The following SRRM4 variants were observed in gnomAD, a reference collection of about 807,000 sequenced individuals.
SRRM4 encodes the protein serine/arginine repetitive matrix 4, also known as serine/arginine repetitive matrix protein 4.
Under a neutral mutation model 68.9 loss-of-function variants are expected in SRRM4, and 33 were observed. The observed-to-expected ratio is 0.48, with a 90% CI of 0.36 to 0.64. SRRM4 has a LOEUF of 0.64. Among genes scored for constraint, SRRM4 ranks in the 30% least tolerant of loss-of-function variants. The probability of loss-of-function intolerance (pLI) is 0.00; values close to 1 mark genes in which losing one functional copy is unlikely to be tolerated. For missense variants in SRRM4, 817 were observed against 827.1 expected (o/e 0.99, Z 0.15); for synonymous variants, 318 against 318.8 (o/e 1.00, Z 0.03).
chr12:119,080,113 AAC>A (rs1399108087), intron 1 of SRRM4, among the ~76,000 whole-genome samples: 3 of 152,072 alleles, frequency 2.0e-5, no homozygotes, highest in African/African-American at 7.2e-5. Context: ...CTTAACCCCT[AAC>A]CTTTGTTAGC....
intron 1 of SRRM4, among the ~76,000 whole-genome samples, chr12:119,027,474 A>T (rs1403929445): frequency 6.6e-6 from 1 of 152,210 alleles, no homozygotes; most frequent in Non-Finnish European, 1.5e-5. Context: ...GAATGCTAGT[A>T]ATCTTATCTT....
chr12:119,073,807 T>C (rs375973905), intron 1 of SRRM4, among the ~76,000 whole-genome samples: 19 of 152,226 alleles, frequency 1.2e-4, no homozygotes, highest in East Asian at 1.2e-3. Context: ...TTTTAATAGA[T>C]AAATAGACAT....
At chr12:119,041,360 A>G (rs946974089) in intron 1 of SRRM4, among the ~76,000 whole-genome samples, 3 of 152,202 alleles carry the variant, frequency 2.0e-5, no homozygotes, top group East Asian at 1.9e-4. Context: ...CATTTGTCCA[A>G]TGAGGATAAT....
intron 1 of SRRM4, among the ~76,000 whole-genome samples, chr12:119,062,468 C>A (rs1053869306): frequency 1.2e-4 from 19 of 152,066 alleles, no homozygotes; most frequent in Non-Finnish European, 2.1e-4. Flanking sequence ...TTTATTTAAG[C>A]TTTTCATTAT....
At chr12:119,039,259 G>A (rs1024300983) in intron 1 of SRRM4, among the ~76,000 whole-genome samples, 7 of 152,090 alleles carry the variant, frequency 4.6e-5, no homozygotes, top group East Asian at 1.9e-4. Flanking sequence ...CACACTGCGC[G>A]GCACACCAAG....
At chr12:119,115,092 A>C (rs1351759410) in intron 3 of SRRM4, among the ~76,000 whole-genome samples, 1 of 151,900 alleles carries the variant, frequency 6.6e-6, no homozygotes, top group Non-Finnish European at 1.5e-5. Flanking sequence ...GGAAAGCATT[A>C]TTATTCCCAT....
intron 5 of SRRM4, 94 bp downstream of exon 5, chr12:119,120,370 C>G: frequency 7.5e-7 from 1 of 1,338,916 alleles, no homozygotes; most frequent in Non-Finnish European, 1.0e-6. Context: ...TCCATCTGTG[C>G]TCTTAGGCAT....
chr12:119,114,326 G>A lies in SRRM4; in HGVS notation c.327G>A (p.Lys109=), dbSNP rs1428330676. ...DLTPPPSSRG[K]KKKKKSTRKK... Reference sequence around the variant, plus strand: ...CACCACCACCTTCCTCCAGGGGAAAGAAGAAAAAGAAGAAATCCACTCGGA... The same window carrying A: ...CACCACCACCTTCCTCCAGGGGAAAAAAGAAAAAGAAGAAATCCACTCGGA... The change falls in exon 3 of 13, where the codon AAG becomes AAA. Residue 109 remains lysine (K), a synonymous_variant. Transcript: ENST00000267260. 2 of 1,611,076 alleles carry A rather than the reference G, an allele frequency of 1.2e-6. No homozygotes were observed. Among genetic ancestry groups the A allele is most frequent in the East Asian group, 2.2e-5 (1 of 44,850 alleles).
chr12:119,122,351 G>A (rs1954227179), intron 6 of SRRM4, among the ~76,000 whole-genome samples: 1 of 147,304 alleles, frequency 6.8e-6, no homozygotes, highest in Non-Finnish European at 1.5e-5. Context: ...GAGAGGGAGG[G>A]ACAGAAAGGC....
chr12:119,138,029 G>A (rs982890133), intron 8 of SRRM4, among the ~76,000 whole-genome samples: 4 of 152,088 alleles, frequency 2.6e-5, no homozygotes, highest in Admixed American at 6.5e-5. Flanking sequence ...CCAACTTAGA[G>A]GTCTTGGTGG....
chr12:118,990,310 G>A (rs1953308487), intron 1 of SRRM4, among the ~76,000 whole-genome samples: 2 of 152,112 alleles, frequency 1.3e-5, no homozygotes, highest in Admixed American at 6.5e-5. Flanking sequence ...AGCAACCAGG[G>A]GAGTCTCTAG....
intron 1 of SRRM4, chr12:118,989,742 T>C (rs1953304280): frequency 1.3e-5 from 2 of 152,186 alleles, no homozygotes; most frequent in African/African-American, 4.8e-5. Flanking sequence ...AAACAAATAT[T>C]AAGATCCTCT....
At chr12:119,047,030 TAAAAA>T (rs11415940) in intron 1 of SRRM4, among the ~76,000 whole-genome samples, 1 of 122,220 alleles carries the variant, frequency 8.2e-6, no homozygotes, top group Non-Finnish European at 1.6e-5. Flanking sequence ...AGATCCCGTC[TAAAAA>T]AAAAAAAAAA....
chr12:119,078,765 A>T (rs1050306985), intron 1 of SRRM4, among the ~76,000 whole-genome samples: 2 of 152,070 alleles, frequency 1.3e-5, no homozygotes, highest in African/African-American at 4.8e-5. Flanking sequence ...ACAAAAAAAA[A>T]TTTAAAATTC....
intron 1 of SRRM4, among the ~76,000 whole-genome samples, chr12:119,044,560 C>T (rs1594041435): frequency 1.3e-5 from 2 of 151,980 alleles, no homozygotes; most frequent in East Asian, 3.9e-4. Flanking sequence ...CAGTGCCATG[C>T]CATGGTTATG....
chr12:119,124,670 C>A (rs1194758592), intron 6 of SRRM4, among the ~76,000 whole-genome samples: 1 of 152,088 alleles, frequency 6.6e-6, no homozygotes, highest in East Asian at 1.9e-4. Context: ...TGGTGTTGTT[C>A]TAATTTTTGT....
At chr12:119,074,568 G>T (rs928200569) in intron 1 of SRRM4, among the ~76,000 whole-genome samples, 6 of 152,180 alleles carry the variant, frequency 3.9e-5, no homozygotes, top group African/African-American at 1.4e-4. Context: ...AAGAGGAAAA[G>T]AGTAGGTATC....
In SRRM4 at chr12:119,102,214, G is replaced by A. The variant is rs538672399; in HGVS notation, c.132-22G>A. The A allele has an allele frequency of 8.8e-6, 14 of 1,598,284 alleles. No individual in the cohort carries two copies. In the South Asian group the frequency reaches 1.4e-4, roughly 17 times the overall value. On this transcript the variant is annotated intron_variant, in intron 1 of 12. Coordinates refer to ENST00000267260, the MANE Select transcript of SRRM4 (RefSeq NM_194286.4). Reference sequence around the variant, plus strand: ...TCTCTGTATATTCTAACACTTTTGTGTCCTTATTTCTTCTTCTGTAGGACA... The same window carrying A: ...TCTCTGTATATTCTAACACTTTTGTATCCTTATTTCTTCTTCTGTAGGACA...
intron 1 of SRRM4, among the ~76,000 whole-genome samples, chr12:119,036,014 C>G (rs1379566336): frequency 1.3e-5 from 2 of 152,028 alleles, no homozygotes; most frequent in African/African-American, 4.8e-5. Flanking sequence ...TTCTTATTGT[C>G]ATTTTCCTTT....
Sources: gnomAD v4.1 joint callset for allele counts (sites outside exome capture counted in the v4.1 genomes callset) on GRCh38, gnomAD v4.1.1 for gene constraint, MANE v1.5 for transcripts, NCBI Gene and HGNC (gene_info 2026-07-23, HGNC 2026-07-21) for gene names.